TINAG: variants seen among roughly 807,000 people sequenced by gnomAD.
The protein encoded by TINAG is tubulointerstitial nephritis antigen.
Under a neutral mutation model 72.7 loss-of-function variants are expected in TINAG, and 83 were observed. The observed-to-expected ratio is 1.14, with a 90% confidence interval of 0.96 to 1.37. The LOEUF (loss-of-function observed/expected upper bound fraction) is 1.37. Ranked by LOEUF, TINAG falls within the 40% of genes most tolerant of loss-of-function variation. The pLI is 0.00. For missense variants in TINAG, 685 were observed against 576.6 expected, an observed-to-expected ratio of 1.19 and a Z score of -1.93; for synonymous variants, 234 against 189.9, an observed-to-expected ratio of 1.23 and a Z score of -1.91.
Position 54,380,549 on chromosome 6 carries a change from A to C in TINAG, c.1274A>C (p.Gln425Pro). The change falls in exon 10 of 11, where the codon CAA becomes CCA. Residue 425 changes from glutamine to proline, a missense_variant. By Grantham distance (76) the Gln-to-Pro change is moderately conservative. Coordinates refer to ENST00000259782, the MANE Select transcript of TINAG (RefSeq NM_014464.4). ...LTGWGTLRGA[Q>P]GQKEKFWIAA... is the part of the protein sequence containing the mutation. The stretch of plus-strand genomic sequence containing the variant: ...AGATGGGGCACACTGAGAGGAGCAC[A>C]AGGGCAGAAAGAAAAATTTTGGGTA... 3.1e-6 allele frequency: 5 copies of C among 1,610,810 alleles called. No homozygotes were observed. Among genetic ancestry groups the C allele is most frequent in the Non-Finnish European group, 4.2e-6 (5 of 1,178,022 alleles).
intron 7 of TINAG, 64 bp from the exon 8 acceptor site, chr6:54,351,288 C>T (rs1327269956): frequency 2.1e-6 from 3 of 1,414,042 alleles, no homozygotes; most frequent in Non-Finnish European, 2.0e-6. Context: ...ACATTGTACA[C>T]CAATCAATGG....
rs557702925 is a variant in TINAG, at chr6:54,345,017, C to T, written c.748+1668C>T. 6.6e-5 allele frequency among the ~76,000 whole-genome samples: 10 copies of T among 152,076 alleles called. No homozygotes were observed. In the South Asian group the frequency reaches 1.0e-3, roughly 16 times the overall value. ...AAAATATGCACATATATTTTAAAAA[C>T]TTATGTAATCAAATCAAATTCAAGC... is the stretch of plus-strand genomic sequence containing the variant. On this transcript the variant is annotated intron_variant, in intron 5 of 10. Coordinates refer to ENST00000259782, the MANE Select transcript of TINAG (RefSeq NM_014464.4).
upstream of TINAG, among the ~76,000 whole-genome samples, chr6:54,308,256 T>C (rs182218795): frequency 6.2e-4 from 94 of 152,308 alleles, 1 homozygote; most frequent in South Asian, 3.7e-3. Context: ...TCTCTATGCA[T>C]AAGATTTTAT....
chr6:54,314,205 G>A (rs1004867041), intron 1 of TINAG, among the ~76,000 whole-genome samples: 13 of 152,104 alleles, frequency 8.5e-5, no homozygotes, highest in African/African-American at 2.9e-4. Context: ...ACTAAAATAC[G>A]TATTTTTAAC....
chr6:54,335,077 C>A (rs557180690), intron 4 of TINAG, among the ~76,000 whole-genome samples: 6 of 152,088 alleles, frequency 3.9e-5, no homozygotes, highest in African/African-American at 1.4e-4. Flanking sequence ...TTGAGGGCCA[C>A]GGTGGGCCAC....
At chr6:54,388,497 A>T (rs1328791199) in intron 10 of TINAG, among the ~76,000 whole-genome samples, 1 of 152,184 alleles carries the variant, frequency 6.6e-6, no homozygotes, top group Admixed American at 6.6e-5. Context: ...CCTCTCTTAC[A>T]TTGTAGAAAA....
chr6:54,335,197 C>T (rs572558481), intron 4 of TINAG, among the ~76,000 whole-genome samples: 2 of 152,238 alleles, frequency 1.3e-5, no homozygotes, highest in Admixed American at 6.5e-5. Flanking sequence ...AAATGATTTA[C>T]ATTTCTTTCC....
At chr6:54,389,765 T>A in intron 10 of TINAG, 26 bp from the exon 11 acceptor site, 2 of 1,563,610 alleles carry the variant, frequency 1.3e-6, no homozygotes, top group Non-Finnish European at 1.7e-6. Context: ...GTTTCTCAAC[T>A]TTTTTGTTTG....
At chr6:54,308,095 G>A (rs1031775373), upstream of TINAG, 4 of 1,549,686 alleles carry the variant, frequency 2.6e-6, no homozygotes, top group African/African-American at 4.1e-5. Context: ...TTTCAATGCA[G>A]GCAGGTGAAA....
At chr6:54,369,133 A>C (rs1179092720) in intron 9 of TINAG, among the ~76,000 whole-genome samples, 2 of 151,934 alleles carry the variant, frequency 1.3e-5, no homozygotes, top group African/African-American at 2.4e-5. Flanking sequence ...TTGTAAGAAA[A>C]TTTGAAACAT....
rs978776258 is a variant in TINAG at position 54,313,223 on chromosome 6, T to C, written c.355+4318T>C. Among the ~76,000 whole-genome samples, 4 of 152,262 alleles carry C rather than the reference T, an allele frequency of 2.6e-5. No homozygotes were observed. In the East Asian group the frequency reaches 7.7e-4, roughly 29 times the overall value. ...TTGGTATGATCCTTAAAATAATAGG[T>C]GAAGTTAATATGTATTAGTAACATG... On this transcript the variant is annotated intron_variant, in intron 1 of 10. Transcript: ENST00000259782.
At chr6:54,366,210 T>C (rs1158234511) in intron 9 of TINAG, among the ~76,000 whole-genome samples, 1 of 151,252 alleles carries the variant, frequency 6.6e-6, no homozygotes, top group East Asian at 2.0e-4. Flanking sequence ...ACTTCAAAAT[T>C]AATGGTCTAT....
chr6:54,354,250 G>A (rs368260171), intron 8 of TINAG, among the ~76,000 whole-genome samples: 1 of 151,806 alleles, frequency 6.6e-6, no homozygotes, highest in Non-Finnish European at 1.5e-5. Flanking sequence ...TGGTAGTAGC[G>A]TCTCTGTTGA....
rs769592996 is a variant in TINAG, at chr6:54,389,829, T to C, written c.1335T>C (p.Asn445=). The change falls in exon 11 of 11, where the codon AAT becomes AAC. Residue 445 remains asparagine (N), a synonymous_variant. Transcript: ENST00000259782. ...CCTGGGGAAAGTCATGGGGAGAGAA[T>C]GGCTATTTCAGGATTCTTCGAGGAG... The part of the protein sequence containing the change: ...ANSWGKSWGE[N]GYFRILRGVN... The C allele has an allele frequency of 5.0e-6, 8 of 1,607,568 alleles. No individual in the cohort carries two copies. The highest frequency in any genetic ancestry group is 2.2e-5 in the East Asian group (1 of 44,656).
At position 54,343,117 on chromosome 6, in the gene TINAG, T is replaced by A. The variant is rs1017757760; in HGVS notation, c.625-109T>A. 68 of 964,106 alleles carry A rather than the reference T, an allele frequency of 7.1e-5. No individual in the cohort carries two copies. The East Asian group carries it at 2.2e-3, about 31-fold the overall frequency. The allele number at this position is 964,106 out of a possible 1,614,324, so 59.7% of individuals were successfully genotyped here. A position where few individuals can be genotyped will look rare whatever the true frequency, so the allele number is the denominator to read the frequency against. ...GCTGTAGTTCATCTGGAAACTTGGA[T>A]GTATAAAATAATTTAAAAAATAATT... On this transcript the variant is annotated intron_variant, in intron 4 of 10. Coordinates refer to ENST00000259782, the MANE Select transcript of TINAG (RefSeq NM_014464.4).
At chr6:54,315,814 T>A (rs764621108) in intron 1 of TINAG, among the ~76,000 whole-genome samples, 6 of 152,164 alleles carry the variant, frequency 3.9e-5, no homozygotes, top group African/African-American at 9.7e-5. Context: ...TAGTAGACCA[T>A]CTGCTGTGAA....
intron 5 of TINAG, among the ~76,000 whole-genome samples, chr6:54,346,295 T>C (rs992765434): frequency 7.2e-5 from 11 of 152,028 alleles, no homozygotes; most frequent in Admixed American, 2.6e-4. Context: ...AGTGCTACAA[T>C]GCCTGTCAGT....
upstream of TINAG, chr6:54,308,195 C>G (rs141677843): frequency 2.1e-6 from 3 of 1,395,420 alleles, no homozygotes; most frequent in Non-Finnish European, 3.0e-6. Flanking sequence ...TCTAAGGAGG[C>G]TTTCGATTTA....
At chr6:54,313,944 A>T (rs1357033877) in intron 1 of TINAG, among the ~76,000 whole-genome samples, 2 of 152,152 alleles carry the variant, frequency 1.3e-5, no homozygotes, top group Non-Finnish European at 2.9e-5. Context: ...CTTTTTATAT[A>T]TCCATGATTG....
Sources: gnomAD v4.1 joint callset for allele counts (sites outside exome capture counted in the v4.1 genomes callset) on GRCh38, gnomAD v4.1.1 for gene constraint, MANE v1.5 for transcripts, NCBI Gene and HGNC (gene_info 2026-07-23, HGNC 2026-07-21) for gene names.